The following NRXN1 variants were observed in gnomAD, a reference collection of about 807,000 sequenced individuals.
The protein encoded by NRXN1 is neurexin-1.
A neutral mutation model predicts 150.9 loss-of-function variants in NRXN1; 39 were observed. The ratio of observed to expected loss-of-function variants is 0.26; its 90% confidence interval spans 0.20 to 0.34. NRXN1 has a LOEUF of 0.34. Ranked by LOEUF, NRXN1 falls within the 10% of genes least tolerant of loss-of-function variation. The pLI is 1.00. For missense variants in NRXN1, 1,815 were observed against 1,949.9 expected, an observed-to-expected ratio of 0.93 and a Z score of 1.30; for synonymous variants, 924 against 757.0, an observed-to-expected ratio of 1.22 and a Z score of -3.62.
At chr2:50,749,323 G>A (rs1333543477) in intron 5 of NRXN1, among the ~76,000 whole-genome samples, 3 of 152,018 alleles carry the variant, frequency 2.0e-5, no homozygotes, top group African/African-American at 4.8e-5. Flanking sequence ...TGGACTAGTT[G>A]GTTTCTGAGG....
chr2:50,156,026 T>C (rs903878593), intron 18 of NRXN1, among the ~76,000 whole-genome samples: 1 of 151,736 alleles, frequency 6.6e-6, no homozygotes, highest in Admixed American at 6.6e-5. Flanking sequence ...GAATTATATA[T>C]ATATCAATAT....
chr2:50,147,666 A>G (rs1433438711), intron 18 of NRXN1, among the ~76,000 whole-genome samples: 1 of 151,740 alleles, frequency 6.6e-6, no homozygotes, highest in Non-Finnish European at 1.5e-5. Flanking sequence ...TTCTAGTGAT[A>G]AGACATCCTC....
intron 5 of NRXN1, among the ~76,000 whole-genome samples, chr2:50,643,007 TAA>T (rs1684286574): frequency 6.6e-6 from 1 of 152,022 alleles, no homozygotes; most frequent in South Asian, 2.1e-4. Context: ...TAAAATATTA[TAA>T]AGAGGCCTCA....
chr2:50,740,256 T>C (rs1420743655), intron 5 of NRXN1, among the ~76,000 whole-genome samples: 1 of 152,172 alleles, frequency 6.6e-6, no homozygotes, highest in Non-Finnish European at 1.5e-5. Flanking sequence ...TGCCTGTGAC[T>C]GGCTCAGAAA....
chr2:51,015,952 A>G (rs1318394610), intron 2 of NRXN1, among the ~76,000 whole-genome samples: 1 of 152,098 alleles, frequency 6.6e-6, no homozygotes, highest in East Asian at 1.9e-4. Context: ...TGGAGGCATC[A>G]AGCTACCTGA....
chr2:50,309,775 A>T (rs918152307), intron 17 of NRXN1, among the ~76,000 whole-genome samples: 1 of 152,096 alleles, frequency 6.6e-6, no homozygotes, highest in Non-Finnish European at 1.5e-5. Flanking sequence ...CACTTACTCA[A>T]ATTAGCCTCC....
chr2:50,967,276 C>A (rs976129691), intron 2 of NRXN1, among the ~76,000 whole-genome samples: 7 of 151,806 alleles, frequency 4.6e-5, no homozygotes, highest in Admixed American at 1.3e-4. Flanking sequence ...TATATGAATT[C>A]TTTTATCATT....
At chr2:50,290,935 T>A (rs1337877491) in intron 17 of NRXN1, among the ~76,000 whole-genome samples, 1 of 152,132 alleles carries the variant, frequency 6.6e-6, no homozygotes, top group Non-Finnish European at 1.5e-5. Flanking sequence ...AACTGCATTT[T>A]TTCTCAGGGC....
At chr2:50,561,802 T>C (rs888288845) in intron 8 of NRXN1, among the ~76,000 whole-genome samples, 1 of 135,458 alleles carries the variant, frequency 7.4e-6, no homozygotes, top group Non-Finnish European at 1.6e-5. Flanking sequence ...AATGATAGCA[T>C]TTAGAAAGAC....
intron 15 of NRXN1, among the ~76,000 whole-genome samples, chr2:50,489,267 G>A (rs759324546): frequency 1.6e-4 from 24 of 152,152 alleles, no homozygotes; most frequent in Admixed American, 9.2e-4. Flanking sequence ...CAGCCCCAGG[G>A]CTTTATGCAT....
Position 50,260,615 on chromosome 2 carries a change from C to CTT in NRXN1, c.3365-23647_3365-23646dup, listed in dbSNP as rs1043417319. 4.8e-4 allele frequency among the ~76,000 whole-genome samples: 59 copies of CTT among 123,948 alleles called. No homozygotes were observed. In the East Asian group the frequency reaches 0.013, roughly 28 times the overall value. 81.3% of individuals were successfully genotyped at this position (123,948 alleles called of 152,430 possible). A position where few individuals can be genotyped will look rare whatever the true frequency, so the allele number is the denominator to read the frequency against. ...ACACCGATGACAAAAGAAGTTCAAGCTTTTTTTTTTTCCGTTTTTTTTTTT... is the reference window on the plus strand; with the variant it reads ...ACACCGATGACAAAAGAAGTTCAAGCTTTTTTTTTTTTTCCGTTTTTTTTTTT... On this transcript the variant is annotated intron_variant, in intron 17 of 22. Transcript: ENST00000401669.
chr2:50,643,819 T>C (rs933893977), intron 5 of NRXN1, among the ~76,000 whole-genome samples: 2 of 151,864 alleles, frequency 1.3e-5, no homozygotes, highest in East Asian at 3.9e-4. Flanking sequence ...TTTGGTATCA[T>C]GCTGGTAACT....
chr2:50,851,298 C>G (rs546834214), intron 5 of NRXN1, among the ~76,000 whole-genome samples: 242 of 152,168 alleles, frequency 1.6e-3, no homozygotes, highest in Non-Finnish European at 2.8e-3. Context: ...CTAGTTGATT[C>G]AATAACCAAG....
At chr2:49,974,691 T>C (rs933573027) in intron 21 of NRXN1, among the ~76,000 whole-genome samples, 1 of 151,984 alleles carries the variant, frequency 6.6e-6, no homozygotes, top group Non-Finnish European at 1.5e-5. Context: ...AAGTTTATAA[T>C]GAGTATTTTT....
intron 8 of NRXN1, among the ~76,000 whole-genome samples, chr2:50,610,949 T>C (rs1273098443): frequency 1.3e-5 from 2 of 150,140 alleles, no homozygotes; most frequent in African/African-American, 4.9e-5. Context: ...TTTCACCATG[T>C]TGGCCAGGCT....
chr2:49,972,209 A>G (rs1057054496), intron 21 of NRXN1, among the ~76,000 whole-genome samples: 12 of 152,160 alleles, frequency 7.9e-5, no homozygotes, highest in East Asian at 3.9e-4. Context: ...CTTCAGTCCT[A>G]TGACTTTTCT....
chr2:50,889,954 C>A (rs1388766062), intron 5 of NRXN1, among the ~76,000 whole-genome samples: 1 of 151,602 alleles, frequency 6.6e-6, no homozygotes, highest in Non-Finnish European at 1.5e-5. Context: ...CTAAACATAT[C>A]TTTAAAATAA....
At chr2:50,048,079 T>C (rs1206505518) in intron 21 of NRXN1, among the ~76,000 whole-genome samples, 1 of 152,108 alleles carries the variant, frequency 6.6e-6, no homozygotes, top group Non-Finnish European at 1.5e-5. Flanking sequence ...TGCATTACTC[T>C]AGTACTTTTT....
chr2:50,084,354 G>A (rs1573816396), intron 19 of NRXN1, among the ~76,000 whole-genome samples: 1 of 152,164 alleles, frequency 6.6e-6, no homozygotes, highest in South Asian at 2.1e-4. Flanking sequence ...GCCCTGCCCC[G>A]CAGGGAGGCA....
Sources: gnomAD v4.1 joint callset for allele counts (sites outside exome capture counted in the v4.1 genomes callset) on GRCh38, gnomAD v4.1.1 for gene constraint, MANE v1.5 for transcripts, NCBI Gene and HGNC (gene_info 2026-07-23, HGNC 2026-07-21) for gene names.